TEC: variants seen among roughly 807,000 people sequenced by gnomAD.
TEC encodes the protein tyrosine-protein kinase Tec.
TEC carries 72 observed loss-of-function variants against 93.0 expected under a neutral mutation model. That is an observed-to-expected ratio of 0.77 (90% confidence interval 0.64 to 0.94). TEC has a LOEUF of 0.94. TEC is among the 40% of genes least tolerant of loss of function. The pLI, the probability that TEC is intolerant of heterozygous loss-of-function variation, is 0.00. For missense variants in TEC, 630 were observed against 757.9 expected (o/e 0.83, Z 1.98); for synonymous variants, 249 against 247.7 (o/e 1.01, Z -0.05).
chr4:48,246,188 TA>T (rs200805140), intron 1 of TEC, among the ~76,000 whole-genome samples: 1 of 150,270 alleles, frequency 6.7e-6, no homozygotes. Context: ...CATGTTTCAA[TA>T]AAAAAAAATG....
chr4:48,161,363 C>T (rs1166290817), intron 8 of TEC, among the ~76,000 whole-genome samples: 3 of 152,178 alleles, frequency 2.0e-5, no homozygotes, highest in Admixed American at 2.0e-4. Context: ...CATCTTTCCA[C>T]CAAGAACATC....
chr4:48,202,294 A>G (rs566115471), intron 2 of TEC, among the ~76,000 whole-genome samples: 1 of 152,322 alleles, frequency 6.6e-6, no homozygotes, highest in East Asian at 1.9e-4. Flanking sequence ...GGCCCAGTGC[A>G]GTGGCCCATG....
chr4:48,142,461 A>G (rs998456599), intron 14 of TEC, among the ~76,000 whole-genome samples: 1 of 152,148 alleles, frequency 6.6e-6, no homozygotes, highest in African/African-American at 2.4e-5. Context: ...TGACAGAGCA[A>G]GACTCCGTCT....
chr4:48,152,595 C>G (rs768101387), intron 9 of TEC, among the ~76,000 whole-genome samples: 13 of 152,126 alleles, frequency 8.5e-5, no homozygotes, highest in Non-Finnish European at 5.9e-5. Context: ...GTTATTCCCA[C>G]ATTATTTCAC....
At chr4:48,230,102 T>A (rs113001528) in intron 1 of TEC, among the ~76,000 whole-genome samples, 2 of 115,864 alleles carry the variant, frequency 1.7e-5, no homozygotes, top group South Asian at 3.4e-4. Context: ...ATAATAATAA[T>A]AAATAAATAA....
intron 8 of TEC, among the ~76,000 whole-genome samples, chr4:48,159,089 A>G (rs1435351545): frequency 2.6e-5 from 4 of 152,032 alleles, no homozygotes; most frequent in East Asian, 1.9e-4. Flanking sequence ...GCAAGAAAAA[A>G]AAAAAAAAGA....
intron 3 of TEC, among the ~76,000 whole-genome samples, chr4:48,174,627 C>T (rs1316451337): frequency 6.6e-6 from 1 of 151,270 alleles, no homozygotes; most frequent in Non-Finnish European, 1.5e-5. Context: ...CCACTGCACT[C>T]CAGCCTGGGT....
At chr4:48,176,491 C>T (rs920104722) in intron 2 of TEC, among the ~76,000 whole-genome samples, 1 of 152,112 alleles carries the variant, frequency 6.6e-6, no homozygotes. Flanking sequence ...GAGGCCAAGG[C>T]GGGTGGATTA....
At chr4:48,146,636 T>C (rs1227295244) in intron 11 of TEC, among the ~76,000 whole-genome samples, 1 of 152,216 alleles carries the variant, frequency 6.6e-6, no homozygotes, top group Non-Finnish European at 1.5e-5. Context: ...TTTTAAAGGA[T>C]GTTAAAAGGT....
chr4:48,246,537 A>G (rs150310727), intron 1 of TEC, among the ~76,000 whole-genome samples: 48 of 152,306 alleles, frequency 3.2e-4, no homozygotes, highest in Non-Finnish European at 5.7e-4. Context: ...TGGCATAGCA[A>G]TCAAAACTGT....
chr4:48,254,851 G>A (rs932824643), intron 1 of TEC, among the ~76,000 whole-genome samples: 2 of 151,792 alleles, frequency 1.3e-5, no homozygotes, highest in Non-Finnish European at 2.9e-5. Context: ...GTTGGGTGTG[G>A]CACCTCCTTT....
chr4:48,226,615 T>TTA (rs60186701), intron 2 of TEC, among the ~76,000 whole-genome samples: 23,351 of 151,864 alleles, frequency 0.15, 2,148 homozygotes, highest in Non-Finnish European at 0.21. Flanking sequence ...ATACAGTATG[T>TTA]TATATATATA....
At chr4:48,259,572 C>T (rs1457245412) in intron 1 of TEC, among the ~76,000 whole-genome samples, 2 of 152,062 alleles carry the variant, frequency 1.3e-5, no homozygotes, top group South Asian at 2.1e-4. Flanking sequence ...AAAAAATAGC[C>T]GGGCGTGGTG....
In TEC at chr4:48,219,345, G is replaced by A. The variant is rs528409496; in HGVS notation, c.138+9132C>T. On this transcript the variant is annotated intron_variant, in intron 2 of 17. Coordinates refer to ENST00000381501, the MANE Select transcript of TEC (RefSeq NM_003215.3). ...CAAAAGGGAGTCTCCTTTCCTTGGA[G>A]GAGTCAGGGAACATTCTGCTCCACC... Among the ~76,000 whole-genome samples, 7 of 152,292 alleles carry A rather than the reference G, an allele frequency of 4.6e-5. No individual in the cohort carries two copies. In the East Asian group the frequency reaches 1.2e-3, roughly 25 times the overall value.
chr4:48,244,413 C>T (rs1271840959), intron 1 of TEC, among the ~76,000 whole-genome samples: 1 of 152,180 alleles, frequency 6.6e-6, no homozygotes, highest in Non-Finnish European at 1.5e-5. Context: ...AAGAGAGGAG[C>T]ACTTGTGCAG....
chr4:48,147,101 T>C (rs2109511278), intron 11 of TEC, among the ~76,000 whole-genome samples: 1 of 152,170 alleles, frequency 6.6e-6, no homozygotes, highest in Non-Finnish European at 1.5e-5. Context: ...GTTGAATGAA[T>C]TGAGATGACG....
At chr4:48,178,991 A>G (rs1721444076) in intron 2 of TEC, among the ~76,000 whole-genome samples, 1 of 152,120 alleles carries the variant, frequency 6.6e-6, no homozygotes, top group African/African-American at 2.4e-5. Context: ...CTGAATTGTA[A>G]GCCACCTTCT....
intron 2 of TEC, among the ~76,000 whole-genome samples, chr4:48,211,703 G>T (rs754274088): frequency 6.6e-6 from 1 of 152,168 alleles, no homozygotes; most frequent in Non-Finnish European, 1.5e-5. Flanking sequence ...TCTTTAAGAA[G>T]AATCACTTAA....
chr4:48,263,506 G>A (rs1381986067), intron 1 of TEC, among the ~76,000 whole-genome samples: 1 of 152,188 alleles, frequency 6.6e-6, no homozygotes, highest in Non-Finnish European at 1.5e-5. Context: ...CTGAGGCCAG[G>A]AGTTCGAGGC....
Sources: allele counts gnomAD v4.1 joint callset (sites outside exome capture counted in the v4.1 genomes callset), GRCh38; gene constraint gnomAD v4.1.1; transcripts MANE v1.5; gene names NCBI Gene and HGNC (gene_info 2026-07-23, HGNC 2026-07-21).